Variants in C12orf50 observed in about 807,000 individuals in gnomAD.
The protein encoded by C12orf50 is zinc finger CCCH-type containing 11D.
C12orf50 carries 35 observed loss-of-function variants against 61.6 expected under a neutral mutation model. That is an observed-to-expected ratio of 0.57 (90% CI 0.43 to 0.75). C12orf50 has a LOEUF of 0.75. Among genes scored for constraint, C12orf50 ranks in the 30% least tolerant of loss-of-function variants. The pLI is 0.00. For synonymous variants in C12orf50, 178 were observed against 161.5 expected (o/e 1.10, Z -0.77); for missense variants, 475 against 488.5 (o/e 0.97, Z 0.26).
chr12:88,019,631 G>GA (rs982289114), intron 3 of C12orf50, among the ~76,000 whole-genome samples: 55 of 144,370 alleles, frequency 3.8e-4, no homozygotes, highest in Non-Finnish European at 6.4e-4. Context: ...AGTAAACAGA[G>GA]AAAAAAAAAA....
In C12orf50 at chr12:87,998,208, C is replaced by T; in HGVS notation, c.134-18G>A. 1.2e-6 allele frequency: 2 copies of T among 1,603,352 alleles called. No homozygotes were observed. The highest frequency in any genetic ancestry group is 1.7e-6 in the Non-Finnish European group (2 of 1,172,200). ...TGTGATATCTGCAGAGAAAATGCAA[C>T]ATTTCAGTCTGTTCAAGATATATGT... On this transcript the variant is annotated intron_variant, in intron 3 of 12. Coordinates refer to ENST00000298699, the MANE Select transcript of C12orf50 (RefSeq NM_152589.3).
At chr12:88,004,477 G>C (rs887224140) in intron 3 of C12orf50, among the ~76,000 whole-genome samples, 3 of 152,176 alleles carry the variant, frequency 2.0e-5, no homozygotes, top group Admixed American at 2.0e-4. Context: ...AGCCATTGTG[G>C]AGAGCAGTTT....
chr12:88,019,870 T>C (rs1304271364), intron 3 of C12orf50, among the ~76,000 whole-genome samples: 2 of 152,082 alleles, frequency 1.3e-5, no homozygotes, highest in Non-Finnish European at 2.9e-5. Flanking sequence ...CCAGAAAAGA[T>C]TGGAAGCCTA....
chr12:88,015,757 G>A (rs1163861892), intron 3 of C12orf50, among the ~76,000 whole-genome samples: 1 of 152,114 alleles, frequency 6.6e-6, no homozygotes, highest in East Asian at 1.9e-4. Context: ...TGGTTTAGCA[G>A]CTATTTGCTT....
chr12:88,017,677 T>C (rs966716054), intron 3 of C12orf50, among the ~76,000 whole-genome samples: 1 of 152,184 alleles, frequency 6.6e-6, no homozygotes, highest in African/African-American at 2.4e-5. Flanking sequence ...TTGAATGGCT[T>C]TGACCAAAAT....
At chr12:87,993,405 G>A (rs183252830) in intron 7 of C12orf50, among the ~76,000 whole-genome samples, 97 of 152,342 alleles carry the variant, frequency 6.4e-4, no homozygotes, top group African/African-American at 2.2e-3. Context: ...TGGGAACTCC[G>A]TTAGGAGAGA....
chr12:88,000,282 T>C (rs1171703622), intron 3 of C12orf50, among the ~76,000 whole-genome samples: 6 of 152,148 alleles, frequency 3.9e-5, no homozygotes, highest in African/African-American at 1.2e-4. Context: ...TCGAAAATAC[T>C]ATTCTTTTCC....
intron 11 of C12orf50, chr12:87,983,696 C>T (rs1299591861): frequency 6.6e-6 from 1 of 150,460 alleles, no homozygotes; most frequent in African/African-American, 2.4e-5. Flanking sequence ...CAGTTTCATC[C>T]ATGTCCCTAC....
chr12:87,988,764 C>T (rs1038738472), intron 8 of C12orf50, among the ~76,000 whole-genome samples: 3 of 152,136 alleles, frequency 2.0e-5, no homozygotes, highest in South Asian at 2.1e-4. Context: ...TTTTAGTCTG[C>T]GACTGAGAGG....
At chr12:87,989,859 A>C (rs1484385747) in intron 7 of C12orf50, among the ~76,000 whole-genome samples, 1 of 152,174 alleles carries the variant, frequency 6.6e-6, no homozygotes, top group Non-Finnish European at 1.5e-5. Context: ...TTATTTTAAA[A>C]TGACACCCAA....
chr12:87,983,004 TTTTA>T (rs2030589863), intron 12 of C12orf50, 95 bp downstream of exon 12: 1 of 633,258 alleles, frequency 1.6e-6, no homozygotes, highest in South Asian at 2.6e-5. Flanking sequence ...ATCTTGAAAT[TTTTA>T]TTTATCTTCA....
chr12:87,994,700 C>T lies in C12orf50; in HGVS notation c.525G>A (p.Arg175=). 2 of 1,613,258 alleles carry T rather than the reference C, an allele frequency of 1.2e-6. No individual in the cohort carries two copies. The highest frequency in any genetic ancestry group is 2.2e-5 in the South Asian group (2 of 91,040). ...GCAATGATGTTTTTATTTCACCTTG[C>T]CTTTCATATTGGCTAAGTTTTGTCG... ...TVPTKLSQYE[R]QGEIKTSLHG... Residue 175 remains arginine, a synonymous_variant, in exon 7 of 13, where the codon AGG becomes AGA. Coordinates refer to ENST00000298699, the MANE Select transcript of C12orf50 (RefSeq NM_152589.3).
In C12orf50 at chr12:87,987,920, T is replaced by C. The variant is rs1264385827; in HGVS notation, c.747A>G (p.Leu249=). The C allele has an allele frequency of 1.2e-6, 2 of 1,611,762 alleles. No homozygotes were observed. The highest frequency in any genetic ancestry group is 3.3e-5 in the Admixed American group (2 of 59,786). Reference sequence around the variant, plus strand: ...CATTTAATACATGCGTTGTAGGTACTAGTCGGGTAGTTAGGGAATGCTTTG... The same window carrying C: ...CATTTAATACATGCGTTGTAGGTACCAGTCGGGTAGTTAGGGAATGCTTTG... The part of the protein sequence containing the change: ...PHPKHSLTTR[L]VPTTHVLNAT... The change falls in exon 9 of 13, where the codon CTA becomes CTG. Residue 249 remains leucine (L), a synonymous_variant. Transcript: ENST00000298699.
chr12:88,028,581 T>G (rs2032789652), intron 1 of C12orf50, among the ~76,000 whole-genome samples: 1 of 152,136 alleles, frequency 6.6e-6, no homozygotes, highest in African/African-American at 2.4e-5. Context: ...ATATTTGTTA[T>G]TACTTAGACT....
At position 87,980,317 on chromosome 12, in the gene C12orf50, C is replaced by T; in HGVS notation, c.*14G>A. ...GCAATTTTTTCTCATTTTTCTCTCT[C>T]TCAACCTCCAGGTTTACTTGCTCCC... On this transcript the variant is annotated 3_prime_UTR_variant, in exon 13 of 13. Coordinates refer to ENST00000298699, the MANE Select transcript of C12orf50 (RefSeq NM_152589.3). 6.2e-7 allele frequency: 1 copy of T among 1,606,866 alleles called. No individual in the cohort carries two copies. The highest frequency in any genetic ancestry group is 8.5e-7 in the Non-Finnish European group (1 of 1,175,836).
chr12:87,983,039 G>T, intron 12 of C12orf50, 64 bp downstream of exon 12: 3 of 935,288 alleles, frequency 3.2e-6, no homozygotes, highest in Non-Finnish European at 4.9e-6. Context: ...AACACTCCTT[G>T]CACTTGAAAA....
In C12orf50 at chr12:87,998,160, C is replaced by A. The variant is rs1427321106; in HGVS notation, c.164G>T (p.Gly55Val). 1.2e-6 allele frequency: 2 copies of A among 1,612,492 alleles called. No homozygotes were observed. Among genetic ancestry groups the A allele is most frequent in the African/African-American group, 1.3e-5 (1 of 74,982 alleles). The change falls in exon 4 of 13, where the codon GGA (glycine) becomes GTA (valine). Residue 55 changes from glycine to valine, a missense_variant. Gly to Val is a moderately radical substitution (Grantham distance 109). Transcript: ENST00000298699. ...TTGACTCTGGGACTGGAGTGGAATT[C>A]CTTCCTGAATTTCTTTCTGTAGTGT... is the stretch of plus-strand genomic sequence containing the variant. ...NITLQKEIQEGIPLQSQSQEP... is the reference protein window; with the variant it reads ...NITLQKEIQEVIPLQSQSQEP...
At chr12:88,005,587 A>C (rs2031827335) in intron 3 of C12orf50, among the ~76,000 whole-genome samples, 1 of 152,162 alleles carries the variant, frequency 6.6e-6, no homozygotes, top group African/African-American at 2.4e-5. Flanking sequence ...CCAATCTTTC[A>C]AGTTTGTTCC....
At chr12:88,000,222 G>A (rs2031595828) in intron 3 of C12orf50, among the ~76,000 whole-genome samples, 1 of 151,960 alleles carries the variant, frequency 6.6e-6, no homozygotes, top group Non-Finnish European at 1.5e-5. Context: ...ATGCAGTTGT[G>A]CTACTTAATT....
Sources: gnomAD v4.1 joint callset for allele counts (sites outside exome capture counted in the v4.1 genomes callset) on GRCh38, gnomAD v4.1.1 for gene constraint, MANE v1.5 for transcripts, NCBI Gene and HGNC (gene_info 2026-07-23, HGNC 2026-07-21) for gene names.